TRIOBP: variants seen among roughly 807,000 people sequenced by gnomAD.
TRIOBP encodes TRIO and F-actin-binding protein.
In TRIOBP, 169 loss-of-function variants were observed where a neutral mutation model predicts 238.8. The ratio of observed to expected loss-of-function variants is 0.71; its 90% confidence interval spans 0.62 to 0.80. The LOEUF is 0.80. TRIOBP is among the 30% of genes least tolerant of loss of function. The pLI is 0.00. For synonymous variants in TRIOBP, 1,150 were observed against 1,274.4 expected, an observed-to-expected ratio of 0.90 and a Z score of 2.08; for missense variants, 2,838 against 3,122.6, an observed-to-expected ratio of 0.91 and a Z score of 2.17.
intron 11 of TRIOBP, chr22:37,751,435 C>T: frequency 2.4e-6 from 1 of 410,872 alleles, no homozygotes; most frequent in African/African-American, 2.0e-5. Context: ...CAGGGGGTCT[C>T]TATGCAGGCA....
At position 37,757,882 on chromosome 22, in the gene TRIOBP, G is replaced by A. The variant is rs915814131; in HGVS notation, c.5957G>A (p.Arg1986Gln). 8.4e-6 allele frequency: 13 copies of A among 1,553,062 alleles called. No individual in the cohort carries two copies. Among genetic ancestry groups the A allele is most frequent in the Admixed American group, 3.9e-5 (2 of 51,322 alleles). The change falls in exon 16 of 24, where the codon CGG (arginine) becomes CAG (glutamine). Residue 1986 changes from arginine to glutamine, a missense_variant. Arg to Gln is a conservative substitution (Grantham distance 43). Coordinates refer to ENST00000644935, the MANE Select transcript of TRIOBP (RefSeq NM_001039141.3). ...ERDLAQRSEE[R>Q]RKWFEATDSR... Reference sequence around the variant, plus strand: ...GACCTGGCCCAGCGCTCCGAGGAGCGGCGCAAGTGGTTTGAGGCCACAGAC... The same window carrying A: ...GACCTGGCCCAGCGCTCCGAGGAGCAGCGCAAGTGGTTTGAGGCCACAGAC...
At position 37,738,977 on chromosome 22, in the gene TRIOBP, G is replaced by A. The variant is rs139145471; in HGVS notation, c.5184+258G>A. On this transcript the variant is annotated intron_variant, in intron 10 of 23. Coordinates refer to ENST00000644935, the MANE Select transcript of TRIOBP (RefSeq NM_001039141.3). Reference sequence around the variant, plus strand: ...CTTCTCATTTGCTGGGACTGAAAAGGTCAATGTCTTTCCCTGCGCAAATGA... The same window carrying A: ...CTTCTCATTTGCTGGGACTGAAAAGATCAATGTCTTTCCCTGCGCAAATGA... Among the ~76,000 whole-genome samples the A allele has an allele frequency of 5.3e-5, 8 of 152,286 alleles. No homozygotes were observed. The East Asian group carries it at 1.5e-3, about 29-fold the overall frequency.
chr22:37,701,684 T>TA (rs1383398597), intron 3 of TRIOBP, among the ~76,000 whole-genome samples: 3 of 152,260 alleles, frequency 2.0e-5, no homozygotes, highest in Admixed American at 2.0e-4. Flanking sequence ...GCTTATATGA[T>TA]ACGATTGTTA....
chr22:37,732,755 G>C (rs1241973787), intron 7 of TRIOBP, among the ~76,000 whole-genome samples: 2 of 152,192 alleles, frequency 1.3e-5, no homozygotes, highest in Admixed American at 6.5e-5. Flanking sequence ...GAACACGGGG[G>C]CACACAGCAG....
chr22:37,757,590 A>G, intron 15 of TRIOBP, 23 bp from the exon 16 acceptor site: 1 of 1,563,296 alleles, frequency 6.4e-7, no homozygotes, highest in Non-Finnish European at 8.6e-7. Flanking sequence ...GACCCACCTG[A>G]CGTGGCTCTG....
chr22:37,736,010 C>T (rs1924651609), intron 9 of TRIOBP, among the ~76,000 whole-genome samples: 3 of 152,260 alleles, frequency 2.0e-5, no homozygotes, highest in Non-Finnish European at 4.4e-5. Flanking sequence ...CCCTACAGCT[C>T]CTCTCAGACA....
chr22:37,739,881 G>A (rs541996430), intron 10 of TRIOBP, among the ~76,000 whole-genome samples: 6 of 152,310 alleles, frequency 3.9e-5, no homozygotes, highest in African/African-American at 9.6e-5. Context: ...TCCATGAAAC[G>A]GGCCCGGCCC....
chr22:37,751,657 C>G (rs1925610748), intron 11 of TRIOBP, 115 bp from the exon 12 acceptor site: 10 of 1,259,694 alleles, frequency 7.9e-6, no homozygotes, highest in Admixed American at 7.4e-5. Context: ...GGCTGGCTTC[C>G]CAGGAGCTCG....
At position 37,733,303 on chromosome 22, in the gene TRIOBP, C is replaced by T. The variant is rs1924511268; in HGVS notation, c.3953C>T (p.Ser1318Phe). Reference protein sequence around the residue: ...ERLFGQERRKSEAAGAFQAQD... With the variant: ...ERLFGQERRKFEAAGAFQAQD... ...GTGGCTGCATTTGCTCATAGGAAGT[C>T]CGAGGCAGCGGGGGCCTTCCAGGCC... The change falls in exon 8 of 24, where the codon TCC becomes TTC. Residue 1318 changes from serine to phenylalanine, a missense_variant. Transcript: ENST00000644935. 1 of 1,550,574 alleles carries T rather than the reference C, an allele frequency of 6.4e-7. No individual in the cohort carries two copies. Among genetic ancestry groups the T allele is most frequent in the Non-Finnish European group, 8.7e-7 (1 of 1,146,874 alleles).
rs759069108 is a variant in TRIOBP, at chr22:37,726,356, GGGA to G, written c.3805_3807del (p.Glu1269del). ...GGGGAGACCAGGCACAACTTGGAGC[GGGA>G]GGAGTACACTGTGCTGGCCGACCTG... is the stretch of plus-strand genomic sequence containing the variant. On this transcript the variant is annotated inframe_deletion, in exon 7 of 24. Transcript: ENST00000644935. 2.5e-5 allele frequency: 41 copies of G among 1,608,502 alleles called. No individual in the cohort carries two copies. Among genetic ancestry groups the G allele is most frequent in the Admixed American group, 8.4e-5 (5 of 59,406 alleles).
intron 3 of TRIOBP, among the ~76,000 whole-genome samples, chr22:37,705,392 A>G (rs1569031947): frequency 6.6e-6 from 1 of 151,862 alleles, no homozygotes; most frequent in Non-Finnish European, 1.5e-5. Context: ...ACAAACAAAC[A>G]AAGAATATGC....
At chr22:37,708,180 A>G (rs549805960) in intron 3 of TRIOBP, among the ~76,000 whole-genome samples, 16 of 146,778 alleles carry the variant, frequency 1.1e-4, no homozygotes, top group Non-Finnish European at 1.9e-4. Context: ...CGGGAGGCGG[A>G]GCTTGCAGTG....
At chr22:37,701,555 T>A in intron 3 of TRIOBP, 76 bp downstream of exon 3, 3 of 1,071,374 alleles carry the variant, frequency 2.8e-6, no homozygotes, top group Non-Finnish European at 2.8e-6. Flanking sequence ...TGGTGTCCGC[T>A]AACTCGCAGT....
Position 37,768,165 on chromosome 22 carries a change from G to A in TRIOBP, c.6564G>A (p.Arg2188=), listed in dbSNP as rs1226946105. The change falls in exon 19 of 24, where the codon CGG becomes CGA. Residue 2188 remains arginine, a synonymous_variant. Coordinates refer to ENST00000644935, the MANE Select transcript of TRIOBP (RefSeq NM_001039141.3). ...RSLQQGPDGL[R]KQHQSDVEAL... ...TCCAGCAGGGCCCGGATGGCCTCCG[G>A]AAGCAGCACCAGTAAGATGATGCCG... 1 of 1,612,256 alleles carries A rather than the reference G, an allele frequency of 6.2e-7. No homozygotes were observed. The highest frequency in any genetic ancestry group is 1.3e-5 in the African/African-American group (1 of 74,998).
chr22:37,738,692 CCT>C lies in TRIOBP; in HGVS notation c.5158_5159del (p.Leu1720AspfsTer2), dbSNP rs1368937826. The C allele has an allele frequency of 1.2e-6, 2 of 1,613,754 alleles. No individual in the cohort carries two copies. Among genetic ancestry groups the C allele is most frequent in the African/African-American group, 1.3e-5 (1 of 74,826 alleles). ...CAGAACCAAGCAGAGGCCAAGACCC[CCT>C]GACTGACCAGAAGCAGGCAGACTCG... is the stretch of plus-strand genomic sequence containing the variant. ...ESEPSRGQDP[L>X]TDQKQADSAD... On this transcript the variant is annotated frameshift_variant, in exon 10 of 24. Transcript: ENST00000644935. LOFTEE classifies it high-confidence loss of function.
chr22:37,742,141 TAC>T (rs1924964511), intron 11 of TRIOBP, among the ~76,000 whole-genome samples: 1 of 151,878 alleles, frequency 6.6e-6, no homozygotes, highest in Non-Finnish European at 1.5e-5. Flanking sequence ...GTATTTTTAG[TAC>T]AGACAGGGTT....
At position 37,726,522 on chromosome 22, in the gene TRIOBP, T is replaced by TCAGCCAGGTGGGCTGGGGAGGAGGCTCGG. The variant is rs1924176197; in HGVS notation, c.3947+24_3947+52dup. The stretch of plus-strand genomic sequence containing the variant: ...AGCGCAGGTGAGCCCGGGGGTGGGG[T>TCAGCCAGGTGGGCTGGGGAGGAGGCTCGG]CAGCCAGGTGGGCTGGGGAGGAGGC... On this transcript the variant is annotated intron_variant, in intron 7 of 23. Coordinates refer to ENST00000644935, the MANE Select transcript of TRIOBP (RefSeq NM_001039141.3). The TCAGCCAGGTGGGCTGGGGAGGAGGCTCGG allele has an allele frequency of 1.9e-5, 28 of 1,460,440 alleles. No individual in the cohort carries two copies. The highest frequency in any genetic ancestry group is 2.2e-5 in the Non-Finnish European group (25 of 1,112,306). The allele number at this position is 1,460,440 out of a possible 1,614,324, so 90.5% of individuals were successfully genotyped here.
rs771128896 is a variant in TRIOBP, at chr22:37,713,321, G to A, written c.366G>A (p.Leu122=). The A allele has an allele frequency of 6.2e-7, 1 of 1,614,038 alleles. No individual in the cohort carries two copies. The highest frequency in any genetic ancestry group is 8.5e-7 in the Non-Finnish European group (1 of 1,179,952). Residue 122 remains leucine (L), a synonymous_variant, in exon 5 of 24, where the codon TTG becomes TTA. Coordinates refer to ENST00000644935, the MANE Select transcript of TRIOBP (RefSeq NM_001039141.3). ...VPYLEGLTTS[L]CGSCNEDPGS... ...ATCTGGAGGGCCTGACCACTTCCTT[G>A]TGTGGCAGCTGCAACGAGGACCCCG...
chr22:37,729,212 C>T (rs545810110), intron 7 of TRIOBP, among the ~76,000 whole-genome samples: 1 of 151,400 alleles, frequency 6.6e-6, no homozygotes, highest in East Asian at 2.0e-4. Context: ...GCCACCGTGC[C>T]TGGTCTGACC....
Sources: allele counts gnomAD v4.1 joint callset (sites outside exome capture counted in the v4.1 genomes callset), GRCh38; gene constraint gnomAD v4.1.1; transcripts MANE v1.5; gene names NCBI Gene and HGNC (gene_info 2026-07-23, HGNC 2026-07-21).